The following KIAA1210 variants were observed in gnomAD, a reference collection of about 807,000 sequenced individuals.
KIAA1210 encodes acrosomal protein KIAA1210.
Under a neutral mutation model 78.9 loss-of-function variants are expected in KIAA1210, and 48 were observed. The ratio of observed to expected loss-of-function variants is 0.61; its 90% CI spans 0.48 to 0.77. KIAA1210 has a LOEUF of 0.77. KIAA1210 is among the 30% of genes least tolerant of loss of function. The probability of loss-of-function intolerance (pLI) is 0.00; values close to 1 mark genes in which losing one functional copy is unlikely to be tolerated. For missense variants in KIAA1210, 1,108 were observed against 1,100.0 expected, an observed-to-expected ratio of 1.01 and a Z score of -0.10; for synonymous variants, 406 against 404.5, an observed-to-expected ratio of 1.00 and a Z score of -0.04.
Position 119,109,080 on chromosome X carries a change from T to A in KIAA1210, c.353A>T (p.Gln118Leu). Residue 118 changes from glutamine (Q) to leucine (L), a missense_variant, in exon 4 of 12, where the codon CAG (glutamine) becomes CTG (leucine). This residue lies in a region of KIAA1210 where 672 missense variants were observed against 607.1 expected (regional missense o/e 1.11). Coordinates refer to ENST00000691062, the MANE Select transcript of KIAA1210 (RefSeq NM_001394962.1). Reference protein sequence around the residue: ...PSMDPQRGRPQQRSHISRTLP... With the variant: ...PSMDPQRGRPLQRSHISRTLP... ...GATGCTCGAGTCCACTATTACCTGC[T>A]GAGGTCTGCCTCTCTGGGGATCCAT... is the stretch of plus-strand genomic sequence containing the variant. 1 of 1,210,060 alleles carries A rather than the reference T, an allele frequency of 8.3e-7. No homozygotes were observed. Among genetic ancestry groups the A allele is most frequent in the Non-Finnish European group, 1.1e-6 (1 of 894,398 alleles).
chrX:119,091,527 G>A (rs1204823753), intron 8 of KIAA1210, among the ~76,000 whole-genome samples: 1 of 112,073 alleles, frequency 8.9e-6, no homozygotes, highest in Non-Finnish European at 1.9e-5. Flanking sequence ...GCACATGCTA[G>A]TAGTTGTACA....
chrX:119,113,042 A>G (rs1344995789), intron 3 of KIAA1210, among the ~76,000 whole-genome samples: 1 of 111,926 alleles, frequency 8.9e-6, no homozygotes, highest in Non-Finnish European at 1.9e-5. Flanking sequence ...TACAACATGA[A>G]TGAACCTTGA....
chrX:119,098,420 C>G (rs1927623758), intron 6 of KIAA1210, among the ~76,000 whole-genome samples: 1 of 111,153 alleles, frequency 9.0e-6, no homozygotes, highest in African/African-American at 3.3e-5. Flanking sequence ...GCTTGGCCAA[C>G]ATGATGAAAC....
rs141666199 is a variant in KIAA1210, at chrX:119,104,312, A to G, written c.648+680T>C. On this transcript the variant is annotated intron_variant, in intron 6 of 11. Coordinates refer to ENST00000691062, the MANE Select transcript of KIAA1210 (RefSeq NM_001394962.1). ...TTTAACCTAATTTCTTTGTTGACATATCTAACTGAGGGCTGCTTCACTTCA... is the reference window on the plus strand; with the variant it reads ...TTTAACCTAATTTCTTTGTTGACATGTCTAACTGAGGGCTGCTTCACTTCA... Among the ~76,000 whole-genome samples the G allele has an allele frequency of 3.1e-3, 344 of 112,215 alleles. 1 individual carries two copies. Among genetic ancestry groups the G allele is most frequent in the African/African-American group, 0.011 (333 of 30,907 alleles).
At chrX:119,104,915 G>A in intron 6 of KIAA1210, 77 bp downstream of exon 6, 8 of 976,626 alleles carry the variant, frequency 8.2e-6, no homozygotes, top group Non-Finnish European at 1.1e-5. Flanking sequence ...AGCTCCAGCG[G>A]GAGAATAGAT....
At chrX:119,108,605 A>T in intron 4 of KIAA1210, 134 bp from the exon 5 acceptor site, 1 of 789,590 alleles carries the variant, frequency 1.3e-6, no homozygotes, top group East Asian at 3.8e-5. Flanking sequence ...TGGCTCGCGC[A>T]TGTAATCCCA....
upstream of KIAA1210, chrX:119,150,667 TC>T (rs1210795146): frequency 2.0e-6 from 2 of 988,828 alleles, no homozygotes; most frequent in East Asian, 6.1e-5. Context: ...TGCTGAGCTT[TC>T]CCACTCACAC....
At chrX:119,137,429 G>A (rs913173564) in intron 2 of KIAA1210, among the ~76,000 whole-genome samples, 7 of 112,736 alleles carry the variant, frequency 6.2e-5, no homozygotes, top group East Asian at 5.6e-4. Flanking sequence ...CAAAGCCCGC[G>A]TCCTGAAATC....
At chrX:119,135,132 G>C (rs1928882030) in intron 2 of KIAA1210, among the ~76,000 whole-genome samples, 1 of 111,847 alleles carries the variant, frequency 8.9e-6, no homozygotes, top group Non-Finnish European at 1.9e-5. Flanking sequence ...GTGAGTAATA[G>C]AGTTAGGACT....
In KIAA1210 at chrX:119,113,569, C is replaced by A. The variant is rs145001564; in HGVS notation, c.230+2927G>T. 3.1e-3 allele frequency among the ~76,000 whole-genome samples: 349 copies of A among 111,210 alleles called. 4 individuals are homozygous for A. The highest frequency in any genetic ancestry group is 0.011 in the African/African-American group (331 of 30,660). ...GGAATGGAGAATGACTGCTACTGGG[C>A]GCAGGGTTTCTTTTTAGGGTGACAA... On this transcript the variant is annotated intron_variant, in intron 3 of 11. Coordinates refer to ENST00000691062, the MANE Select transcript of KIAA1210 (RefSeq NM_001394962.1).
At chrX:119,150,509 T>C in exon 1 of KIAA1210, 1 of 1,210,364 alleles carries the variant, frequency 8.3e-7, no homozygotes, top group East Asian at 3.0e-5. Context: ...GTGAGCCAGG[T>C]AGGGGTGCCG....
intron 2 of KIAA1210, among the ~76,000 whole-genome samples, chrX:119,133,552 A>G (rs1466610553): frequency 8.9e-6 from 1 of 112,103 alleles, no homozygotes; most frequent in Non-Finnish European, 1.9e-5. Context: ...CAGCAAGCCC[A>G]GGGCCAGCTA....
chrX:119,147,737 C>G (rs1385236115), intron 1 of KIAA1210: 2 of 595,744 alleles, frequency 3.4e-6, no homozygotes, highest in African/African-American at 4.5e-5. Flanking sequence ...GGCCAGAGGC[C>G]TGGAGAAGAC....
chrX:119,097,450 C>G (rs1393172977), intron 6 of KIAA1210, among the ~76,000 whole-genome samples: 1 of 111,793 alleles, frequency 8.9e-6, no homozygotes, highest in Non-Finnish European at 1.9e-5. Flanking sequence ...CTTTCCATTT[C>G]TAAGAAGATT....
Position 119,092,692 on chromosome X carries a change from T to C in KIAA1210, c.955+975A>G, listed in dbSNP as rs773081326. ...AGGAGAATTGCTTGAACTAGGGAGG[T>C]GGAGGTTGCAGTGAGCCGAGATCAT... is the stretch of plus-strand genomic sequence containing the variant. On this transcript the variant is annotated intron_variant, in intron 8 of 11. Transcript: ENST00000691062. 1.4e-3 allele frequency among the ~76,000 whole-genome samples: 154 copies of C among 108,084 alleles called. 10 individuals are homozygous for C. Among genetic ancestry groups the C allele is most frequent in the South Asian group, 2.0e-3 (5 of 2,473 alleles). The allele number at this position is 108,084 out of a possible 115,157, so 93.9% of individuals were successfully genotyped here.
At chrX:119,136,586 G>T (rs1928919033) in intron 2 of KIAA1210, among the ~76,000 whole-genome samples, 1 of 111,719 alleles carries the variant, frequency 9.0e-6, no homozygotes, top group South Asian at 3.8e-4. Context: ...CAGCACTTTG[G>T]GAGGCTGAGG....
intron 3 of KIAA1210, among the ~76,000 whole-genome samples, chrX:119,111,876 T>A (rs776123126): frequency 1.6e-3 from 178 of 111,846 alleles, no homozygotes; most frequent in Non-Finnish European, 2.3e-3. Flanking sequence ...TTTTTAGATA[T>A]GACACCAGAA....
intron 2 of KIAA1210, among the ~76,000 whole-genome samples, chrX:119,134,754 T>C (rs1474259038): frequency 2.7e-5 from 3 of 112,284 alleles, no homozygotes; most frequent in African/African-American, 9.7e-5. Flanking sequence ...TGTCATCCAG[T>C]GAACATGCAA....
At chrX:119,082,642 CA>C (rs1181033554) in intron 11 of KIAA1210, among the ~76,000 whole-genome samples, 1 of 111,916 alleles carries the variant, frequency 8.9e-6, no homozygotes, top group African/African-American at 3.3e-5. Flanking sequence ...TTATTTTCAA[CA>C]GTTTCATTGG....
Sources: gnomAD v4.1 joint callset for allele counts (sites outside exome capture counted in the v4.1 genomes callset) on GRCh38, gnomAD v4.1.1 for gene constraint, gnomAD v4.1.1 regional missense constraint, MANE v1.5 for transcripts, NCBI Gene and HGNC (gene_info 2026-07-23, HGNC 2026-07-21) for gene names.